The following CDH12 variants were observed in gnomAD, a reference collection of about 807,000 sequenced individuals.
CDH12 encodes the protein cadherin-12.
Under a neutral mutation model 74.1 loss-of-function variants are expected in CDH12, and 41 were observed. The observed-to-expected ratio is 0.55, with a 90% confidence interval of 0.43 to 0.72. The LOEUF is 0.72. Among genes scored for constraint, CDH12 ranks in the 30% least tolerant of loss-of-function variants. The pLI, the probability that CDH12 is intolerant of heterozygous loss-of-function variation, is 0.00. For synonymous variants in CDH12, 399 were observed against 355.0 expected, an observed-to-expected ratio of 1.12 and a Z score of -1.39; for missense variants, 945 against 977.2, an observed-to-expected ratio of 0.97 and a Z score of 0.44.
intron 5 of CDH12, among the ~76,000 whole-genome samples, chr5:21,990,099 G>C (rs982815494): frequency 6.6e-6 from 1 of 152,044 alleles, no homozygotes. Flanking sequence ...TTTAGAGGTC[G>C]AAGTTTTCTT....
intron 1 of CDH12, among the ~76,000 whole-genome samples, chr5:22,831,848 G>C (rs1736628487): frequency 6.6e-6 from 1 of 151,990 alleles, no homozygotes; most frequent in Admixed American, 6.6e-5. Context: ...AGTATGCCGA[G>C]ATTGCACCAC....
chr5:21,959,878 A>G (rs556050177), intron 6 of CDH12, among the ~76,000 whole-genome samples: 26 of 142,336 alleles, frequency 1.8e-4, no homozygotes, highest in African/African-American at 6.5e-4. Flanking sequence ...GTGAGCTGAG[A>G]TTGTGCCACT....
chr5:22,564,804 T>C (rs1739214641), intron 1 of CDH12, among the ~76,000 whole-genome samples: 1 of 152,238 alleles, frequency 6.6e-6, no homozygotes, highest in African/African-American at 2.4e-5. Flanking sequence ...TCTCTTCTTT[T>C]AATGATGGAC....
intron 9 of CDH12, among the ~76,000 whole-genome samples, chr5:21,814,086 A>G (rs1747903501): frequency 6.6e-6 from 1 of 151,534 alleles, no homozygotes; most frequent in Admixed American, 6.6e-5. Context: ...TACTTAGATA[A>G]TGAATTTCAG....
chr5:21,948,845 G>A (rs536609286), intron 6 of CDH12, among the ~76,000 whole-genome samples: 1 of 152,268 alleles, frequency 6.6e-6, no homozygotes, highest in South Asian at 2.1e-4. Context: ...CTGCCATGCT[G>A]TTCTTATGAT....
intron 4 of CDH12, among the ~76,000 whole-genome samples, chr5:22,164,218 T>G (rs1225642178): frequency 2.0e-5 from 3 of 152,186 alleles, no homozygotes; most frequent in Non-Finnish European, 2.9e-5. Flanking sequence ...CTTGGGGTTC[T>G]TGGCCTCAAG....
chr5:22,468,118 G>T (rs1745807669), intron 2 of CDH12, among the ~76,000 whole-genome samples: 1 of 152,164 alleles, frequency 6.6e-6, no homozygotes, highest in African/African-American at 2.4e-5. Flanking sequence ...GCAAGCACAG[G>T]ATCTCCCAGG....
At chr5:22,842,122 C>T (rs1273820504) in intron 1 of CDH12, among the ~76,000 whole-genome samples, 1 of 152,062 alleles carries the variant, frequency 6.6e-6, no homozygotes, top group Admixed American at 6.6e-5. Flanking sequence ...TAATAGCATC[C>T]ATGGAACTAG....
chr5:22,121,336 G>A (rs539007996), intron 4 of CDH12, among the ~76,000 whole-genome samples: 12 of 152,224 alleles, frequency 7.9e-5, no homozygotes, highest in Admixed American at 6.5e-4. Flanking sequence ...TTATAAAATC[G>A]TTGGTATCCT....
intron 7 of CDH12, among the ~76,000 whole-genome samples, chr5:21,853,981 T>C (rs1238010461): frequency 6.6e-6 from 1 of 151,706 alleles, no homozygotes; most frequent in Non-Finnish European, 1.5e-5. Flanking sequence ...CGAGTCTTCT[T>C]AGCAAAGTAT....
chr5:22,169,756 T>G (rs1382636478), intron 4 of CDH12, among the ~76,000 whole-genome samples: 1 of 151,974 alleles, frequency 6.6e-6, no homozygotes, highest in Non-Finnish European at 1.5e-5. Flanking sequence ...TTGTATTCTC[T>G]GTGTCACATG....
chr5:22,562,816 G>C (rs1317229813), intron 1 of CDH12, among the ~76,000 whole-genome samples: 1 of 149,818 alleles, frequency 6.7e-6, no homozygotes, highest in Admixed American at 6.7e-5. Flanking sequence ...AATCTATTAT[G>C]TTATGAAATT....
chr5:22,654,611 TTTTG>T (rs555803491), intron 1 of CDH12, among the ~76,000 whole-genome samples: 67 of 141,134 alleles, frequency 4.7e-4, no homozygotes, highest in Admixed American at 8.4e-4. Context: ...TTTCTAGATT[TTTTG>T]TTTGTTTGCT....
At chr5:22,302,603 A>G (rs528580756) in intron 3 of CDH12, among the ~76,000 whole-genome samples, 7 of 152,284 alleles carry the variant, frequency 4.6e-5, no homozygotes, top group Admixed American at 6.5e-5. Context: ...TGAATGATCT[A>G]CATAGATATT....
intron 1 of CDH12, among the ~76,000 whole-genome samples, chr5:22,737,410 T>C (rs1186951335): frequency 6.6e-6 from 1 of 152,024 alleles, no homozygotes; most frequent in East Asian, 1.9e-4. Flanking sequence ...ATATTTAGTT[T>C]CATTTCAGAA....
intron 1 of CDH12, among the ~76,000 whole-genome samples, chr5:22,808,429 T>C (rs981667373): frequency 6.6e-6 from 1 of 152,070 alleles, no homozygotes; most frequent in East Asian, 1.9e-4. Context: ...CTTACTTTGT[T>C]AGAGATGAAA....
intron 1 of CDH12, among the ~76,000 whole-genome samples, chr5:22,832,153 T>G (rs1250402040): frequency 2.0e-5 from 3 of 152,218 alleles, no homozygotes; most frequent in Non-Finnish European, 4.4e-5. Context: ...CTAACTCAGC[T>G]ATTCCACTTA....
intron 1 of CDH12, among the ~76,000 whole-genome samples, chr5:22,604,796 C>T (rs1245824984): frequency 6.6e-6 from 1 of 152,118 alleles, no homozygotes; most frequent in Admixed American, 6.5e-5. Context: ...ACAGAAGGCA[C>T]ACTTTGGGCT....
intron 2 of CDH12, among the ~76,000 whole-genome samples, chr5:22,416,324 C>T (rs1042846844): frequency 1.3e-5 from 2 of 151,876 alleles, no homozygotes; most frequent in African/African-American, 2.4e-5. Flanking sequence ...ATCCGCCCGC[C>T]TCGGCCTCCC....
Sources: gnomAD v4.1 joint callset for allele counts (sites outside exome capture counted in the v4.1 genomes callset) on GRCh38, gnomAD v4.1.1 for gene constraint, MANE v1.5 for transcripts, NCBI Gene and HGNC (gene_info 2026-07-23, HGNC 2026-07-21) for gene names.